SYCP1: variants seen among roughly 807,000 people sequenced by gnomAD.
SYCP1 encodes the protein cancer/testis antigen 8.
Under a neutral mutation model 153.1 loss-of-function variants are expected in SYCP1, and 64 were observed. The observed-to-expected ratio is 0.42, with a 90% CI of 0.34 to 0.51. SYCP1 has a LOEUF of 0.51. Among genes scored for constraint, SYCP1 ranks in the 20% least tolerant of loss-of-function variants. The pLI is 0.06. For missense variants in SYCP1, 997 were observed against 1,049.0 expected (o/e 0.95, Z 0.68); for synonymous variants, 384 against 341.8 (o/e 1.12, Z -1.36).
intron 5 of SYCP1, 56 bp downstream of exon 5, chr1:114,857,553 C>T: frequency 1.6e-6 from 2 of 1,238,302 alleles, no homozygotes; most frequent in Non-Finnish European, 2.3e-6. Flanking sequence ...TAACTTATTA[C>T]CTATATGTAT....
In SYCP1 at chr1:114,892,765, T is replaced by G. The variant is rs1344957680; in HGVS notation, c.1259-2683T>G. ...AGGGTTGCTGCCAGTGGGGTGCACT[T>G]CAGTCTTGGTAGCAGTAGCCAGCAG... On this transcript the variant is annotated intron_variant, in intron 15 of 31. Transcript: ENST00000369522. Among the ~76,000 whole-genome samples the G allele has an allele frequency of 3.9e-5, 6 of 152,080 alleles. No homozygotes were observed. The East Asian group carries it at 1.2e-3, about 29-fold the overall frequency.
At chr1:114,958,217 CAT>C (rs1372367308) in intron 27 of SYCP1, among the ~76,000 whole-genome samples, 1 of 152,034 alleles carries the variant, frequency 6.6e-6, no homozygotes, top group Non-Finnish European at 1.5e-5. Flanking sequence ...TATTCTCACT[CAT>C]ATGTGGGAGC....
At chr1:114,942,609 G>C (rs1670454261) in intron 23 of SYCP1, among the ~76,000 whole-genome samples, 1 of 151,932 alleles carries the variant, frequency 6.6e-6, no homozygotes, top group South Asian at 2.1e-4. Flanking sequence ...CAGATATGTA[G>C]TGCTAGAACA....
In SYCP1 at chr1:114,896,078, A is replaced by C. The variant is rs144927931; in HGVS notation, c.1320+569A>C. 2.4e-3 allele frequency among the ~76,000 whole-genome samples: 369 copies of C among 152,208 alleles called. 6 individuals are homozygous for C. The East Asian group carries it at 0.046, about 19-fold the overall frequency. On this transcript the variant is annotated intron_variant, in intron 16 of 31. Coordinates refer to ENST00000369522, the MANE Select transcript of SYCP1 (RefSeq NM_003176.4). The stretch of plus-strand genomic sequence containing the variant: ...CTCTTTTATTTTTAAGAACCTTGTA[A>C]AAATATAAAAACCATTCCTAGCTTA...
At chr1:114,886,399 CT>C in intron 14 of SYCP1, 90 bp downstream of exon 14, 1 of 1,130,104 alleles carries the variant, frequency 8.8e-7, no homozygotes, top group Non-Finnish European at 1.2e-6. Flanking sequence ...GCATTGCCAA[CT>C]GATGTGTGTA....
In SYCP1 at chr1:114,923,467, G is replaced by A. The variant is rs368638744; in HGVS notation, c.1737G>A (p.Val579=). ...ETQLRNELEY[V]REELKQKRDE... Reference sequence around the variant, plus strand: ...CTTTTAGAAATGAACTAGAATATGTGAGAGAAGAGCTAAAACAGAAAAGAG... The same window carrying A: ...CTTTTAGAAATGAACTAGAATATGTAAGAGAAGAGCTAAAACAGAAAAGAG... Residue 579 remains valine (V), a synonymous_variant, in exon 21 of 32, where the codon GTG becomes GTA. Transcript: ENST00000369522. 2.5e-5 allele frequency: 39 copies of A among 1,587,866 alleles called. No homozygotes were observed. The African/African-American group carries it at 2.7e-4, about 11-fold the overall frequency.
chr1:114,908,574 T>G (rs1020373009), intron 16 of SYCP1, among the ~76,000 whole-genome samples: 3 of 152,222 alleles, frequency 2.0e-5, no homozygotes, highest in Non-Finnish European at 4.4e-5. Context: ...TTCTTCAGAC[T>G]ATCGATTCTG....
chr1:114,856,784 T>G, intron 3 of SYCP1, 127 bp downstream of exon 3: 1 of 692,572 alleles, frequency 1.4e-6, no homozygotes, highest in Non-Finnish European at 2.3e-6. Context: ...ATATAATACT[T>G]AATATAAAAA....
chr1:114,928,902 CA>C (rs778950905), intron 23 of SYCP1, among the ~76,000 whole-genome samples: 32 of 152,222 alleles, frequency 2.1e-4, no homozygotes, highest in South Asian at 4.1e-4. Flanking sequence ...GGCATATAAA[CA>C]ATGAACATTT....
chr1:114,993,508 A>C (rs77192897), intron 30 of SYCP1, among the ~76,000 whole-genome samples: 1 of 151,562 alleles, frequency 6.6e-6, no homozygotes, highest in East Asian at 1.9e-4. Flanking sequence ...ACATTACTTA[A>C]TATTTGTATG....
Position 114,940,263 on chromosome 1 carries a change from ATTT to A in SYCP1, c.1927-4073_1927-4071del, listed in dbSNP as rs540477824. Among the ~76,000 whole-genome samples, 158 of 151,982 alleles carry A rather than the reference ATTT, an allele frequency of 1.0e-3. 2 individuals are homozygous for A. The highest frequency in any genetic ancestry group is 3.7e-3 in the African/African-American group (153 of 41,448). ...CAGGCGTGTGCCTCCATGCCGGCTA[ATTT>A]TTGTATTTTTAGTAGAGAAGGGGTT... On this transcript the variant is annotated intron_variant, in intron 23 of 31. Coordinates refer to ENST00000369522, the MANE Select transcript of SYCP1 (RefSeq NM_003176.4).
intron 19 of SYCP1, 70 bp downstream of exon 19, chr1:114,913,220 A>G: frequency 8.0e-7 from 1 of 1,251,396 alleles, no homozygotes; most frequent in Non-Finnish European, 1.1e-6. Flanking sequence ...GATGACCTCT[A>G]AAGACCCTTT....
intron 12 of SYCP1, among the ~76,000 whole-genome samples, chr1:114,882,684 A>G (rs960162591): frequency 1.3e-5 from 2 of 151,978 alleles, no homozygotes; most frequent in African/African-American, 4.8e-5. Context: ...TTTTACTTGA[A>G]AAAAAAGATT....
intron 6 of SYCP1, among the ~76,000 whole-genome samples, chr1:114,859,109 A>C (rs1176049778): frequency 6.6e-6 from 1 of 152,040 alleles, no homozygotes; most frequent in Non-Finnish European, 1.5e-5. Flanking sequence ...TTTTTGTGAG[A>C]CATAGTCTTG....
In SYCP1 at chr1:114,876,470, GT is replaced by G. The variant is rs150069663; in HGVS notation, c.728-265del. Among the ~76,000 whole-genome samples the G allele has an allele frequency of 1.1e-3, 173 of 151,294 alleles. 1 individual carries two copies. The East Asian group carries it at 0.027, about 24-fold the overall frequency. On this transcript the variant is annotated intron_variant, in intron 10 of 31. Transcript: ENST00000369522. ...ATCATATTATACATATTTAAAACCT[GT>G]TGTTTCAGATTAGTGTGTTTTAGAG... is the stretch of plus-strand genomic sequence containing the variant.
intron 28 of SYCP1, among the ~76,000 whole-genome samples, chr1:114,978,661 G>A (rs1208765744): frequency 6.6e-6 from 1 of 151,572 alleles, no homozygotes; most frequent in Non-Finnish European, 1.5e-5. Context: ...TAGTTAAACT[G>A]GAAGGAAATG....
At chr1:114,876,220 T>G (rs1280071229) in intron 10 of SYCP1, 82 bp downstream of exon 10, 1 of 883,844 alleles carries the variant, frequency 1.1e-6, no homozygotes, top group African/African-American at 1.7e-5. Flanking sequence ...TGTCTTCATC[T>G]CTTTAGCCTG....
intron 27 of SYCP1, among the ~76,000 whole-genome samples, chr1:114,959,918 T>A (rs999004665): frequency 3.3e-5 from 5 of 152,138 alleles, no homozygotes; most frequent in African/African-American, 1.2e-4. Flanking sequence ...AATCACAGGA[T>A]CTTATTCTTT....
intron 9 of SYCP1, 21 bp downstream of exon 9, chr1:114,874,585 A>G (rs1263298063): frequency 6.6e-7 from 1 of 1,505,110 alleles, no homozygotes; most frequent in Middle Eastern, 1.7e-4. Context: ...ATGAAATCTG[A>G]GTATTTTAAA....
Sources: gnomAD v4.1 joint callset for allele counts (sites outside exome capture counted in the v4.1 genomes callset) on GRCh38, gnomAD v4.1.1 for gene constraint, MANE v1.5 for transcripts, NCBI Gene and HGNC (gene_info 2026-07-23, HGNC 2026-07-21) for gene names.